ALDH1L1: variants seen among roughly 807,000 people sequenced by gnomAD.
The protein encoded by ALDH1L1 is aldehyde dehydrogenase 1 family member L1.
ALDH1L1 carries 68 observed loss-of-function variants against 101.1 expected under a neutral mutation model. The observed-to-expected ratio is 0.67, with a 90% CI of 0.55 to 0.82. The LOEUF (loss-of-function observed/expected upper bound fraction) is 0.82. Among genes scored for constraint, ALDH1L1 ranks in the 40% least tolerant of loss-of-function variants. The pLI is 0.00. For synonymous variants in ALDH1L1, 486 were observed against 470.8 expected (o/e 1.03, Z -0.42); for missense variants, 1,087 against 1,172.7 (o/e 0.93, Z 1.07).
chr3:126,135,320 A>G, intron 12 of ALDH1L1: 2 of 516,578 alleles, frequency 3.9e-6, no homozygotes, highest in South Asian at 2.5e-5. Flanking sequence ...CTCTGCTGAA[A>G]TGTCTCCTGT....
At chr3:126,110,239 T>C in intron 19 of ALDH1L1, 130 bp from the exon 20 acceptor site, 2 of 1,219,836 alleles carry the variant, frequency 1.6e-6, no homozygotes, top group Non-Finnish European at 1.1e-6. Context: ...CAGGGCTTTC[T>C]GAATTCTGAC....
At chr3:126,190,712 T>C (rs915414439) in intron 1 of ALDH1L1, among the ~76,000 whole-genome samples, 1 of 152,236 alleles carries the variant, frequency 6.6e-6, no homozygotes, top group Non-Finnish European at 1.5e-5. Flanking sequence ...GTTTTGATTT[T>C]AATAATGGCA....
intron 1 of ALDH1L1, chr3:126,179,861 G>C (rs1318680178): frequency 6.6e-6 from 1 of 152,218 alleles, no homozygotes; most frequent in African/African-American, 2.4e-5. Flanking sequence ...CAGGAGCCAC[G>C]TTGTGGGGTC....
intron 1 of ALDH1L1, among the ~76,000 whole-genome samples, chr3:126,189,145 T>C (rs2081538097): frequency 6.6e-6 from 1 of 152,174 alleles, no homozygotes; most frequent in Non-Finnish European, 1.5e-5. Context: ...GCAATTGCAT[T>C]AGGTATGTTC....
At chr3:126,133,256 T>A (rs946572206) in intron 12 of ALDH1L1, among the ~76,000 whole-genome samples, 1 of 152,050 alleles carries the variant, frequency 6.6e-6, no homozygotes. Context: ...GGCCTTGGGG[T>A]GATAAGGTGA....
At position 126,103,711 on chromosome 3, in the gene ALDH1L1, G is replaced by T; in HGVS notation, c.*80C>A. On this transcript the variant is annotated 3_prime_UTR_variant, in exon 23 of 23. Transcript: ENST00000393434. ...TCCACTAGCCCCCCAGGTGGGAGGT[G>T]CTGTGCACCCAGGCTCAAGAGGGAG... 1 of 1,485,586 alleles carries T rather than the reference G, an allele frequency of 6.7e-7. No individual in the cohort carries two copies. Among genetic ancestry groups the T allele is most frequent in the Middle Eastern group, 1.7e-4 (1 of 5,820 alleles). The allele number at this position is 1,485,586 out of a possible 1,614,324, so 92.0% of individuals were successfully genotyped here.
chr3:126,112,119 T>G (rs75138544), intron 19 of ALDH1L1, among the ~76,000 whole-genome samples: 12,686 of 151,972 alleles, frequency 0.083, 799 homozygotes, highest in African/African-American at 0.17. Context: ...CCAAGGGGAC[T>G]CAGGATGGCC....
At chr3:126,124,273 C>T (rs2080135161) in intron 16 of ALDH1L1, 91 bp downstream of exon 16, 6 of 1,189,216 alleles carry the variant, frequency 5.0e-6, no homozygotes, top group Middle Eastern at 4.0e-4. Context: ...GGCTACTCTG[C>T]CCTCACGCCA....
intron 15 of ALDH1L1, 56 bp downstream of exon 15, chr3:126,125,560 A>G: frequency 3.7e-6 from 5 of 1,345,746 alleles, no homozygotes; most frequent in Non-Finnish European, 4.9e-6. Context: ...TTATAGAGTG[A>G]GTTCCTGATC....
chr3:126,165,063 T>C (rs1204765257), intron 1 of ALDH1L1, among the ~76,000 whole-genome samples: 3 of 152,202 alleles, frequency 2.0e-5, no homozygotes, highest in African/African-American at 4.8e-5. Flanking sequence ...GTACGTGTTT[T>C]TTTGGGAAGT....
At chr3:126,106,632 A>G (rs371958313) in intron 21 of ALDH1L1, among the ~76,000 whole-genome samples, 5 of 152,310 alleles carry the variant, frequency 3.3e-5, no homozygotes, top group African/African-American at 9.6e-5. Flanking sequence ...GAAGGGAACC[A>G]GGTGCCTCGG....
At chr3:126,110,290 A>C in intron 19 of ALDH1L1, 181 bp from the exon 20 acceptor site, 1 of 745,114 alleles carries the variant, frequency 1.3e-6, no homozygotes, top group African/African-American at 1.8e-5. Context: ...AATGGCTCCT[A>C]TGTGTAGAGG....
At chr3:126,180,635 G>C, upstream of ALDH1L1, 1 of 1,301,912 alleles carries the variant, frequency 7.7e-7, no homozygotes, top group Non-Finnish European at 9.8e-7. Flanking sequence ...GTGAGGGGAG[G>C]GGCGCGGGGC....
intron 3 of ALDH1L1, among the ~76,000 whole-genome samples, 173 bp downstream of exon 3, chr3:126,158,232 T>C (rs2080957123): frequency 6.6e-6 from 1 of 152,152 alleles, no homozygotes; most frequent in Non-Finnish European, 1.5e-5. Flanking sequence ...CTTCACTCAT[T>C]GATAACGTTG....
intron 9 of ALDH1L1, among the ~76,000 whole-genome samples, chr3:126,142,282 C>T (rs557995368): frequency 3.9e-5 from 6 of 152,146 alleles, no homozygotes; most frequent in Non-Finnish European, 8.8e-5. Flanking sequence ...GGGAAAGTAA[C>T]ACCAATTTTT....
Position 126,159,406 on chromosome 3 carries a change from G to A in ALDH1L1, c.128-767C>T, listed in dbSNP as rs777755023. The A allele has an allele frequency of 4.8e-5, 22 of 456,378 alleles. No homozygotes were observed. The Middle Eastern group carries it at 1.3e-3, about 27-fold the overall frequency. 28.3% of individuals were successfully genotyped at this position (456,378 alleles called of 1,614,324 possible). ...ACAGTGGCAGCTGCTTCCTGCAGTC[G>A]CTGTCCCCAATAACTTTGGGCTCTC... On this transcript the variant is annotated intron_variant, in intron 2 of 22. Transcript: ENST00000393434.
At chr3:126,122,733 TAA>T (rs1218997941) in intron 16 of ALDH1L1, among the ~76,000 whole-genome samples, 3 of 152,216 alleles carry the variant, frequency 2.0e-5, no homozygotes, top group African/African-American at 7.2e-5. Context: ...TCACTGGGAT[TAA>T]GTTCGTATAA....
chr3:126,148,886 A>T (rs1028905340), intron 8 of ALDH1L1, among the ~76,000 whole-genome samples: 2 of 152,224 alleles, frequency 1.3e-5, no homozygotes, highest in Non-Finnish European at 2.9e-5. Context: ...AGGGGGTCAC[A>T]CATGTACTCT....
chr3:126,117,962 A>T (rs1278637657), intron 17 of ALDH1L1, 43 bp downstream of exon 17: 1 of 1,545,474 alleles, frequency 6.5e-7, no homozygotes, highest in African/African-American at 1.4e-5. Flanking sequence ...TCCCAGGCGC[A>T]GCCCACAGCA....
Sources: gnomAD v4.1 joint callset for allele counts (sites outside exome capture counted in the v4.1 genomes callset) on GRCh38, gnomAD v4.1.1 for gene constraint, MANE v1.5 for transcripts, NCBI Gene and HGNC (gene_info 2026-07-23, HGNC 2026-07-21) for gene names.